Variants in AGBL1 observed in about 807,000 individuals in gnomAD.
AGBL1 encodes AGBL carboxypeptidase 1, also known as cytosolic carboxypeptidase 4.
AGBL1 carries 130 observed loss-of-function variants against 118.9 expected under a neutral mutation model. The observed-to-expected ratio is 1.09, with a 90% CI of 0.95 to 1.26. AGBL1 has a LOEUF of 1.26. AGBL1 is among the 50% of genes most tolerant of loss of function. AGBL1 has a pLI of 0.00. For missense variants in AGBL1, 1,584 were observed against 1,298.1 expected, an observed-to-expected ratio of 1.22 and a Z score of -3.38; for synonymous variants, 555 against 478.9, an observed-to-expected ratio of 1.16 and a Z score of -2.08.
At chr15:86,867,446 G>A (rs1428286509) in intron 22 of AGBL1, among the ~76,000 whole-genome samples, 1 of 152,104 alleles carries the variant, frequency 6.6e-6, no homozygotes, top group Non-Finnish European at 1.5e-5. Context: ...CCGAGGATGA[G>A]GGATTCTGTA....
intron 17 of AGBL1, among the ~76,000 whole-genome samples, chr15:86,338,255 AC>A (rs1340890748): frequency 6.6e-6 from 1 of 152,176 alleles, no homozygotes; most frequent in African/African-American, 2.4e-5. Flanking sequence ...TTTGAAAACA[AC>A]ATGTTTTAAA....
chr15:86,566,527 T>A (rs1261293809), intron 21 of AGBL1, among the ~76,000 whole-genome samples: 1 of 152,038 alleles, frequency 6.6e-6, no homozygotes, highest in Non-Finnish European at 1.5e-5. Context: ...AACAGCCAAT[T>A]TTTTTTATAG....
intron 18 of AGBL1, among the ~76,000 whole-genome samples, chr15:86,481,568 A>G (rs1041673914): frequency 1.3e-5 from 2 of 152,128 alleles, no homozygotes; most frequent in African/African-American, 4.8e-5. Flanking sequence ...TGTTTATGGC[A>G]CGACTATCCT....
At chr15:86,443,097 C>T (rs1046449439) in intron 18 of AGBL1, among the ~76,000 whole-genome samples, 6 of 152,148 alleles carry the variant, frequency 3.9e-5, no homozygotes, top group Non-Finnish European at 8.8e-5. Flanking sequence ...TCTGTTGTTG[C>T]CCTCAGCTAG....
intron 24 of AGBL1, among the ~76,000 whole-genome samples, chr15:86,993,991 G>A (rs939013223): frequency 6.6e-6 from 1 of 152,038 alleles, no homozygotes; most frequent in African/African-American, 2.4e-5. Context: ...AAACCCCAAA[G>A]TGACGTTTTC....
At chr15:86,959,985 C>T (rs1240894069) in intron 23 of AGBL1, among the ~76,000 whole-genome samples, 6 of 151,958 alleles carry the variant, frequency 3.9e-5, no homozygotes, top group Non-Finnish European at 8.8e-5. Context: ...CTAAAGATGC[C>T]CACCAACTCT....
intron 21 of AGBL1, among the ~76,000 whole-genome samples, chr15:86,558,098 G>A (rs949951857): frequency 1.3e-5 from 2 of 152,040 alleles, no homozygotes; most frequent in African/African-American, 4.8e-5. Context: ...CCAGAGTAAG[G>A]CAATTCTAGT....
chr15:86,571,403 C>T (rs1001915016), intron 21 of AGBL1, among the ~76,000 whole-genome samples: 16 of 152,232 alleles, frequency 1.1e-4, no homozygotes, highest in East Asian at 3.9e-4. Flanking sequence ...TGAAGAGGAG[C>T]GTTATTGAGC....
intron 18 of AGBL1, among the ~76,000 whole-genome samples, chr15:86,471,322 A>G (rs1293869700): frequency 6.6e-6 from 1 of 152,126 alleles, no homozygotes; most frequent in Non-Finnish European, 1.5e-5. Context: ...TTCATCCTTC[A>G]TTCTATTAAG....
intron 17 of AGBL1, among the ~76,000 whole-genome samples, chr15:86,305,764 G>A (rs1191298364): frequency 6.6e-6 from 1 of 152,046 alleles, no homozygotes; most frequent in African/African-American, 2.4e-5. Context: ...CATATGTACA[G>A]AGCCTTGAAA....
chr15:86,321,621 A>C (rs868348261), intron 17 of AGBL1, among the ~76,000 whole-genome samples: 71 of 151,750 alleles, frequency 4.7e-4, no homozygotes, highest in African/African-American at 1.5e-3. Context: ...ATACAAAAAA[A>C]AAAAAATTAG....
At chr15:86,562,798 T>G (rs1024173037) in intron 21 of AGBL1, among the ~76,000 whole-genome samples, 1 of 152,218 alleles carries the variant, frequency 6.6e-6, no homozygotes, top group African/African-American at 2.4e-5. Flanking sequence ...GGATAGGCTA[T>G]TAATTATTGC....
intron 22 of AGBL1, among the ~76,000 whole-genome samples, chr15:86,797,551 C>G (rs557100023): frequency 6.6e-6 from 1 of 152,314 alleles, no homozygotes; most frequent in South Asian, 2.1e-4. Context: ...CCCTATTGAT[C>G]TCTCCATTTG....
rs1445230602 is a variant in AGBL1, at chr15:86,123,904, ACCG to A, written c.52-18097_52-18095del. ...TTTATCCACAAAGGAAGACTGAGAA[ACCG>A]CCACAGACCAGAGGAGACTCGGGAG... On this transcript the variant is annotated intron_variant, in intron 1 of 22. Transcript: ENST00000614907. Among the ~76,000 whole-genome samples the A allele has an allele frequency of 1.2e-4, 19 of 152,330 alleles. No homozygotes were observed. The South Asian group carries it at 3.9e-3, about 32-fold the overall frequency.
At chr15:86,596,361 C>T (rs541491763) in intron 21 of AGBL1, among the ~76,000 whole-genome samples, 2 of 152,124 alleles carry the variant, frequency 1.3e-5, no homozygotes, top group Non-Finnish European at 2.9e-5. Flanking sequence ...TTCTGTTCCT[C>T]ACTGGGGGTT....
At chr15:86,114,672 A>G (rs2141556113) in intron 1 of AGBL1, among the ~76,000 whole-genome samples, 1 of 152,284 alleles carries the variant, frequency 6.6e-6, no homozygotes, top group South Asian at 2.1e-4. Flanking sequence ...TTGAAGTTGT[A>G]GGCCTTGCTG....
In AGBL1 at chr15:86,665,765, A is replaced by AT. The variant is rs796660694; in HGVS notation, c.2995-8497dup. On this transcript the variant is annotated intron_variant, in intron 21 of 22. Coordinates refer to ENST00000614907, the MANE Select transcript of AGBL1 (RefSeq NM_001386094.1). ...TCATTTAACTCTTTAATCAAAATAA[A>AT]TTTTTTTTTTTATATTTGGGGTAAG... Among the ~76,000 whole-genome samples, 1,187 of 149,962 alleles carry AT rather than the reference A, an allele frequency of 7.9e-3. 13 individuals are homozygous for AT. The highest frequency in any genetic ancestry group is 0.012 in the African/African-American group (484 of 40,878).
At chr15:86,889,331 A>G (rs1256126406) in intron 22 of AGBL1, among the ~76,000 whole-genome samples, 1 of 109,900 alleles carries the variant, frequency 9.1e-6, no homozygotes, top group Non-Finnish European at 1.7e-5. Flanking sequence ...TTCTTTCCAG[A>G]TGCTCTGATC....
intron 18 of AGBL1, among the ~76,000 whole-genome samples, chr15:86,445,008 TA>T (rs1296022056): frequency 3.9e-5 from 6 of 152,172 alleles, no homozygotes; most frequent in Admixed American, 3.9e-4. Flanking sequence ...TGCTTATATA[TA>T]AAAAGGTGGA....
Sources: allele counts gnomAD v4.1 joint callset (sites outside exome capture counted in the v4.1 genomes callset), GRCh38; gene constraint gnomAD v4.1.1; transcripts MANE v1.5; gene names NCBI Gene and HGNC (gene_info 2026-07-23, HGNC 2026-07-21).